The following LACTBL1 variants were observed in gnomAD, a reference collection of about 807,000 sequenced individuals.
The protein encoded by LACTBL1 is beta-lactamase-like protein 1.
A neutral mutation model predicts 39.6 loss-of-function variants in LACTBL1; 29 were observed. The observed-to-expected ratio is 0.73, with a 90% CI of 0.55 to 1.00. The LOEUF is 1.00. Among genes scored for constraint, LACTBL1 ranks in the 50% least tolerant of loss-of-function variants. The probability of loss-of-function intolerance (pLI) is 0.00; values close to 1 mark genes in which losing one functional copy is unlikely to be tolerated. For missense variants in LACTBL1, 711 were observed against 748.5 expected, an observed-to-expected ratio of 0.95 and a Z score of 0.59; for synonymous variants, 361 against 360.7, an observed-to-expected ratio of 1.00 and a Z score of -0.01.
chr1:22,962,405 C>A (rs574027335), intron 2 of LACTBL1, among the ~76,000 whole-genome samples: 116 of 152,274 alleles, frequency 7.6e-4, no homozygotes, highest in Non-Finnish European at 1.1e-3. Context: ...ATGTTTCACT[C>A]ATCTCCATGT....
At chr1:22,967,658 G>A (rs1640897052), upstream of LACTBL1, among the ~76,000 whole-genome samples, 1 of 152,080 alleles carries the variant, frequency 6.6e-6, no homozygotes, top group Non-Finnish European at 1.5e-5. Flanking sequence ...GAGAGAGAGA[G>A]AGAGACAGAC....
At chr1:22,961,906 C>G (rs1640826101) in intron 2 of LACTBL1, among the ~76,000 whole-genome samples, 1 of 151,950 alleles carries the variant, frequency 6.6e-6, no homozygotes, top group African/African-American at 2.4e-5. Flanking sequence ...GCCACCATGC[C>G]CGGCTGATGT....
At chr1:22,958,703 T>G in exon 4 of LACTBL1, 1 of 1,547,956 alleles carries the variant, frequency 6.5e-7, no homozygotes, top group South Asian at 1.2e-5. Context: ...TGGCTGGCCA[T>G]CCTTCGAAGG....
chr1:22,957,776 G>A (rs1640777143), intron 4 of LACTBL1, among the ~76,000 whole-genome samples: 1 of 150,664 alleles, frequency 6.6e-6, no homozygotes, highest in South Asian at 2.1e-4. Flanking sequence ...TCAGCCTCTG[G>A]AGTAGCTGGG....
intron 4 of LACTBL1, among the ~76,000 whole-genome samples, chr1:22,957,225 G>T (rs917840238): frequency 3.3e-5 from 5 of 152,068 alleles, no homozygotes; most frequent in African/African-American, 9.7e-5. Context: ...GTGTTTGATT[G>T]TACAGCTGTG....
chr1:22,958,852 G>A lies in LACTBL1; in HGVS notation c.386C>T (p.Ala129Val), dbSNP rs1414254470. The stretch of plus-strand genomic sequence containing the variant: ...CCGCTCCAGAGGGTCATCTAGGGAG[G>A]CCACGATGCCCTCCTCCCACAGACG... The change falls in exon 4 of 6, where the codon GCC (alanine) becomes GTC (valine). Residue 129 changes from alanine (A) to valine (V), a missense_variant. Ala to Val is a moderately conservative substitution (Grantham distance 64). Transcript: ENST00000426928. The A allele has an allele frequency of 5.2e-6, 8 of 1,550,600 alleles. No homozygotes were observed. The South Asian group carries it at 7.1e-5, about 14-fold the overall frequency.
chr1:22,954,296 G>A (rs143915360), intron 5 of LACTBL1, among the ~76,000 whole-genome samples: 72 of 152,306 alleles, frequency 4.7e-4, no homozygotes, highest in African/African-American at 1.7e-3. Flanking sequence ...TGGGAAAGCT[G>A]TCACACAAAT....
chr1:22,954,977 T>A (rs1441245619), intron 5 of LACTBL1, among the ~76,000 whole-genome samples: 1 of 152,180 alleles, frequency 6.6e-6, no homozygotes, highest in African/African-American at 2.4e-5. Context: ...CCTGGCAAAA[T>A]CTGTATTCAC....
intron 4 of LACTBL1, among the ~76,000 whole-genome samples, chr1:22,956,227 C>T (rs1640760573): frequency 6.6e-6 from 1 of 151,998 alleles, no homozygotes; most frequent in Non-Finnish European, 1.5e-5. Flanking sequence ...AAATAATTAG[C>T]TGGACTCAGT....
At chr1:22,967,419 C>T (rs1640891821), upstream of LACTBL1, among the ~76,000 whole-genome samples, 2 of 151,878 alleles carry the variant, frequency 1.3e-5, no homozygotes, top group East Asian at 1.9e-4. Flanking sequence ...TGGTATATAC[C>T]TGTGGTCCCA....
intron 2 of LACTBL1, among the ~76,000 whole-genome samples, chr1:22,961,589 C>T (rs1018140146): frequency 3.3e-5 from 5 of 152,276 alleles, no homozygotes; most frequent in Middle Eastern, 6.8e-3. Context: ...GTCTTGAACT[C>T]CTGACCTCAG....
chr1:22,960,267 T>C (rs1156802434), intron 2 of LACTBL1, among the ~76,000 whole-genome samples, 168 bp from the exon 5 acceptor site: 1 of 152,198 alleles, frequency 6.6e-6, no homozygotes, highest in African/African-American at 2.4e-5. Context: ...CTTCATAAGA[T>C]GTTTTCTCAA....
intron 1 of LACTBL1, among the ~76,000 whole-genome samples, chr1:22,964,311 A>G (rs61651464): frequency 8.0e-4 from 122 of 152,312 alleles, no homozygotes; most frequent in African/African-American, 2.8e-3. Flanking sequence ...GGCCAAAAGA[A>G]TGAGGCGGAA....
intron 2 of LACTBL1, among the ~76,000 whole-genome samples, chr1:22,962,692 G>A (rs1252049211): frequency 1.3e-5 from 2 of 151,898 alleles, no homozygotes; most frequent in Non-Finnish European, 2.9e-5. Flanking sequence ...CATCTGTCTG[G>A]AGCACACCTC....
chr1:22,955,332 G>T (rs2124223502), exon 5 of LACTBL1: 1 of 1,550,424 alleles, frequency 6.4e-7, no homozygotes, highest in South Asian at 1.2e-5. Flanking sequence ...TGGTTCCCGG[G>T]TCCACTACCA....
At chr1:22,953,753 C>T in exon 6 of LACTBL1, 4 of 1,416,710 alleles carry the variant, frequency 2.8e-6, no homozygotes, top group Non-Finnish European at 3.7e-6. Flanking sequence ...CCCAGGAGCG[C>T]CACGGCCAGC....
upstream of LACTBL1, among the ~76,000 whole-genome samples, chr1:22,966,976 A>G (rs1440232018): frequency 6.6e-6 from 1 of 152,170 alleles, no homozygotes; most frequent in Non-Finnish European, 1.5e-5. Flanking sequence ...GCTCACTCCT[A>G]TTATCCTAGC....
intron 2 of LACTBL1, among the ~76,000 whole-genome samples, chr1:22,962,586 C>T (rs542840684): frequency 6.6e-6 from 1 of 152,274 alleles, no homozygotes; most frequent in Non-Finnish European, 1.5e-5. Context: ...GTCATCCTCT[C>T]CTGTCTCAGC....
the LACTBL1 span, chr1:22,972,432 C>T: frequency 1.0e-6 from 1 of 984,878 alleles, no homozygotes; most frequent in Non-Finnish European, 1.2e-6. Flanking sequence ...TCCTGAGGGG[C>T]TGGAAAAAGA....
Sources: gnomAD v4.1 joint callset for allele counts (sites outside exome capture counted in the v4.1 genomes callset) on GRCh38, gnomAD v4.1.1 for gene constraint, MANE v1.5 for transcripts, NCBI Gene and HGNC (gene_info 2026-07-23, HGNC 2026-07-21) for gene names.